WSCD1: variants seen among roughly 807,000 people sequenced by gnomAD.
WSCD1 encodes the protein WSC domain sialate O sulfotransferase 1.
In WSCD1, 41 loss-of-function variants were observed where a neutral mutation model predicts 60.4. The observed-to-expected ratio is 0.68, with a 90% CI of 0.53 to 0.88. WSCD1 has a LOEUF of 0.88. Among genes scored for constraint, WSCD1 ranks in the 40% least tolerant of loss-of-function variants. The pLI is 0.00. For missense variants in WSCD1, 784 were observed against 796.2 expected (o/e 0.98, Z 0.18); for synonymous variants, 361 against 332.5 (o/e 1.09, Z -0.93).
chr17:6,069,246 G>A (rs74878724), upstream of WSCD1: 8,868 of 398,804 alleles, frequency 0.022, 670 homozygotes, highest in African/African-American at 0.16. Flanking sequence ...GCAGAGCAGG[G>A]CAGATGCTGT....
chr17:6,095,353 T>C (rs1353128895), intron 5 of WSCD1, 130 bp downstream of exon 5: 3 of 1,278,570 alleles, frequency 2.3e-6, no homozygotes, highest in East Asian at 3.0e-5. Context: ...GAAGGGGGCA[T>C]GGATGGGAGG....
Position 6,110,974 on chromosome 17 carries a change from C to T in WSCD1, c.1174+39C>T, listed in dbSNP as rs773119315. The T allele has an allele frequency of 1.7e-5, 26 of 1,553,628 alleles. No homozygotes were observed. Among genetic ancestry groups the T allele is most frequent in the East Asian group, 2.3e-5 (1 of 43,872 alleles). On this transcript the variant is annotated intron_variant, in intron 7 of 8. Transcript: ENST00000317744. This position sits in a 1 kb window ranked among gnomAD's most constrained non-coding sequence, Gnocchi z 4.8. ...ACAGGGGACGATGGAAGGCAGCTCC[C>T]GGTGACCAAACTGTCACCTTGCCAG... is the stretch of plus-strand genomic sequence containing the variant.
chr17:6,111,696 G>GTC (rs1374057599), intron 7 of WSCD1, among the ~76,000 whole-genome samples: 6 of 111,370 alleles, frequency 5.4e-5, no homozygotes, highest in Admixed American at 3.6e-4. Context: ...GTGACACTCC[G>GTC]TCTCAAAAAA....
chr17:6,109,606 G>A lies in WSCD1; in HGVS notation c.850-1G>A. ...CTTCTCTTCTTATCGTTCCCTGGCA[G>A]GAGTTCCCCTTGGCCATTCTCAGGG... On this transcript the variant is annotated splice_acceptor_variant, in intron 5 of 8. Transcript: ENST00000317744. LOFTEE classifies it high-confidence loss of function. 1.9e-6 allele frequency: 3 copies of A among 1,613,424 alleles called. No individual in the cohort carries two copies. The highest frequency in any genetic ancestry group is 2.5e-6 in the Non-Finnish European group (3 of 1,179,562).
In WSCD1 at chr17:6,101,759, G is replaced by A. The variant is rs546810735; in HGVS notation, c.849+6536G>A. 4.4e-4 allele frequency among the ~76,000 whole-genome samples: 67 copies of A among 152,258 alleles called. 1 individual carries two copies. In the South Asian group the frequency reaches 5.4e-3, roughly 12 times the overall value. On this transcript the variant is annotated intron_variant, in intron 5 of 8. Transcript: ENST00000317744. This position sits in a 1 kb window ranked among gnomAD's most constrained non-coding sequence, Gnocchi z 4.1. ...CTCAGTCCCCTTCAGGATCCTATCG[G>A]CTCCTTTGTTTCAACGCAAGGCAAG... is the stretch of plus-strand genomic sequence containing the variant.
At chr17:6,092,627 G>T (rs936787247) in intron 4 of WSCD1, among the ~76,000 whole-genome samples, 2 of 152,136 alleles carry the variant, frequency 1.3e-5, no homozygotes, top group Non-Finnish European at 2.9e-5. Context: ...ACTGCTCCAC[G>T]CTGGCTTCTT....
chr17:6,113,932 A>G (rs949004881), intron 7 of WSCD1, among the ~76,000 whole-genome samples: 3 of 152,104 alleles, frequency 2.0e-5, no homozygotes, highest in Non-Finnish European at 4.4e-5. Flanking sequence ...AATAGTATGG[A>G]GGCTCCTCAA....
intron 7 of WSCD1, among the ~76,000 whole-genome samples, chr17:6,115,697 C>T (rs1409643029): frequency 6.6e-6 from 1 of 152,012 alleles, no homozygotes; most frequent in East Asian, 1.9e-4. Flanking sequence ...TGGGTTCAAG[C>T]GATTCTCCTG....
rs143296603 is a variant in WSCD1, at chr17:6,101,937, A to G, written c.849+6714A>G. 1.3e-5 allele frequency among the ~76,000 whole-genome samples: 2 copies of G among 152,332 alleles called. No individual in the cohort carries two copies. The highest frequency in any genetic ancestry group is 3.9e-4 in the East Asian group (2 of 5,182). On this transcript the variant is annotated intron_variant, in intron 5 of 8. Transcript: ENST00000317744. This position sits in a 1 kb window ranked among gnomAD's most constrained non-coding sequence, Gnocchi z 4.1. ...TGAGCGAAATCTAACACCATCTGCAAATAGGTTACTAATGTGAGACACTCC... is the reference window on the plus strand; with the variant it reads ...TGAGCGAAATCTAACACCATCTGCAGATAGGTTACTAATGTGAGACACTCC...
rs1416904074 is a variant in WSCD1, at chr17:6,075,994, G to T, written c.-288-4377G>T. 6.6e-6 allele frequency among the ~76,000 whole-genome samples: 1 copy of T among 152,196 alleles called. No individual in the cohort carries two copies. The highest frequency in any genetic ancestry group is 6.5e-5 in the Admixed American group (1 of 15,274). ...ACCATGTGTGGCATCATCTCTAGGAGCTTTGGCCCGGCATGACTTCAAAAA... is the reference window on the plus strand; with the variant it reads ...ACCATGTGTGGCATCATCTCTAGGATCTTTGGCCCGGCATGACTTCAAAAA... On this transcript the variant is annotated intron_variant, in intron 1 of 8. Transcript: ENST00000317744. The surrounding 1 kb of genome is among the most constrained non-coding windows in gnomAD (Gnocchi z 4.1).
chr17:6,079,827 C>T (rs1480392015), intron 1 of WSCD1, among the ~76,000 whole-genome samples: 3 of 152,198 alleles, frequency 2.0e-5, no homozygotes, highest in Admixed American at 2.0e-4. Flanking sequence ...CTGGGCCATG[C>T]AGTCATTGAG....
At chr17:6,095,255 C>T in intron 5 of WSCD1, 32 bp downstream of exon 5, 1 of 1,602,112 alleles carries the variant, frequency 6.2e-7, no homozygotes, top group Non-Finnish European at 8.5e-7. Context: ...ACAACCCTTT[C>T]CTTTAAGTGT....
At chr17:6,095,605 C>T (rs908879525) in intron 5 of WSCD1, among the ~76,000 whole-genome samples, 4 of 152,166 alleles carry the variant, frequency 2.6e-5, no homozygotes, top group African/African-American at 7.2e-5. Context: ...GGTGTTGGGC[C>T]GTGAATCTGA....
chr17:6,113,321 A>G (rs1312102070), intron 7 of WSCD1, among the ~76,000 whole-genome samples: 1 of 152,212 alleles, frequency 6.6e-6, no homozygotes, highest in African/African-American at 2.4e-5. Context: ...ATATACCCCT[A>G]TCTCTCTCCT....
chr17:6,087,264 ACT>A (rs1335647397), intron 2 of WSCD1, among the ~76,000 whole-genome samples: 2 of 151,814 alleles, frequency 1.3e-5, no homozygotes, highest in African/African-American at 4.8e-5. Flanking sequence ...GCTGTGACAG[ACT>A]CTCACTGGCG....
At chr17:6,115,172 C>T (rs953010620) in intron 7 of WSCD1, among the ~76,000 whole-genome samples, 5 of 152,182 alleles carry the variant, frequency 3.3e-5, no homozygotes, top group African/African-American at 9.7e-5. Context: ...GAAGGCAGCC[C>T]GAGGACCCCA....
chr17:6,081,814 C>T (rs1909296866), intron 2 of WSCD1: 1 of 152,068 alleles, frequency 6.6e-6, no homozygotes, highest in Non-Finnish European at 1.5e-5. Flanking sequence ...AATGTGATAA[C>T]ACAGAGGAAT....
chr17:6,101,418 TGA>T lies in WSCD1; in HGVS notation c.849+6199_849+6200del, dbSNP rs1001115841. ...GCAGTGGGGCTGGGAGCAGCAGATG[TGA>T]GAGGTGGGGCTTGGAAACAGGAAAA... On this transcript the variant is annotated intron_variant, in intron 5 of 8. Transcript: ENST00000317744. This position sits in a 1 kb window ranked among gnomAD's most constrained non-coding sequence, Gnocchi z 4.1. 3.3e-5 allele frequency among the ~76,000 whole-genome samples: 5 copies of T among 151,968 alleles called. No homozygotes were observed. Among genetic ancestry groups the T allele is most frequent in the African/African-American group, 1.2e-4 (5 of 41,342 alleles).
At chr17:6,106,960 A>C (rs1033303751) in intron 5 of WSCD1, among the ~76,000 whole-genome samples, 2 of 152,198 alleles carry the variant, frequency 1.3e-5, no homozygotes, top group African/African-American at 4.8e-5. Context: ...GCATTCATCA[A>C]CTTGGCTGCT....
Sources: allele counts gnomAD v4.1 joint callset (sites outside exome capture counted in the v4.1 genomes callset), GRCh38; gene constraint gnomAD v4.1.1; non-coding constraint Gnocchi (gnomAD v3.1); transcripts MANE v1.5; gene names NCBI Gene and HGNC (gene_info 2026-07-23, HGNC 2026-07-21).